The following UCHL1 variants were observed in gnomAD, a reference collection of about 807,000 sequenced individuals.
UCHL1 encodes the protein ubiquitin C-terminal hydrolase L1, also known as ubiquitin carboxyl-terminal hydrolase isozyme L1.
Under a neutral mutation model 33.3 loss-of-function variants are expected in UCHL1, and 5 were observed. The observed-to-expected ratio is 0.15, with a 90% CI of 0.08 to 0.32. UCHL1 has a LOEUF of 0.32. UCHL1 is among the 10% of genes least tolerant of loss of function. UCHL1 has a pLI of 1.00. For synonymous variants in UCHL1, 132 were observed against 108.8 expected (o/e 1.21, Z -1.33); for missense variants, 236 against 280.0 (o/e 0.84, Z 1.12).
At chr4:41,258,758 T>A (rs1781024570) in intron 3 of UCHL1, among the ~76,000 whole-genome samples, 1 of 152,226 alleles carries the variant, frequency 6.6e-6, no homozygotes, top group Non-Finnish European at 1.5e-5. Context: ...GCCTTCCTCC[T>A]AGTAAGTAAG....
At chr4:41,262,178 T>C (rs999570717) in intron 6 of UCHL1, among the ~76,000 whole-genome samples, 2 of 152,216 alleles carry the variant, frequency 1.3e-5, no homozygotes, top group Non-Finnish European at 2.9e-5. Context: ...ATGAGTCTTA[T>C]AGGTCAGGCA....
chr4:41,261,700 C>CT lies in UCHL1; in HGVS notation c.326-15_326-14insT, dbSNP rs1182446437. On this transcript the variant is annotated splice_polypyrimidine_tract_variant and intron_variant, in intron 4 of 8. Coordinates refer to ENST00000284440, the MANE Select transcript of UCHL1 (RefSeq NM_004181.5). ...ATTATTTTACCTATACTAACACATC[C>CT]ATTTTTTTTTTAAGAGGATGGATCA... 7.0e-7 allele frequency: 1 copy of CT among 1,434,410 alleles called. No homozygotes were observed. The highest frequency in any genetic ancestry group is 1.2e-5 in the South Asian group (1 of 86,092). The allele number at this position is 1,434,410 out of a possible 1,614,324, so 88.9% of individuals were successfully genotyped here.
intron 4 of UCHL1, 102 bp downstream of exon 4, chr4:41,260,899 A>AC: frequency 6.6e-7 from 1 of 1,525,066 alleles, no homozygotes; most frequent in Non-Finnish European, 9.1e-7. Flanking sequence ...ACCTTTTGAA[A>AC]CCATTTTGTA....
At position 41,257,060 on chromosome 4, in the gene UCHL1, G is replaced by T. The variant is rs781003024; in HGVS notation, c.33+51G>T. The stretch of plus-strand genomic sequence containing the variant: ...GGAGAGCGCGAGGCCGAGGGAGGGG[G>T]AGCCGAGTCGCTGATCGGTTCGGTT... On this transcript the variant is annotated intron_variant, in intron 1 of 8. Transcript: ENST00000284440. The T allele has an allele frequency of 1.5e-5, 24 of 1,614,048 alleles. No individual in the cohort carries two copies. The East Asian group carries it at 1.8e-4, about 12-fold the overall frequency.
chr4:41,264,958 T>C (rs184072067), intron 8 of UCHL1, among the ~76,000 whole-genome samples: 45 of 152,348 alleles, frequency 3.0e-4, no homozygotes, highest in African/African-American at 1.1e-3. Flanking sequence ...GCAAGCATTT[T>C]CTATAAAGAG....
Position 41,261,883 on chromosome 4 carries a change from A to G in UCHL1, c.419A>G (p.Gln140Arg). ...AKCFEKNEAI[Q>R]AAHDAVAQEG... ...ATTTTCTTTTTTCCGCAGGCCATAC[A>G]GGCAGCCCATGATGCCGTGGCACAG... Residue 140 changes from glutamine to arginine, a missense_variant, in exon 6 of 9, where the codon CAG (glutamine) becomes CGG (arginine). Physicochemically the swap from Gln to Arg is conservative, Grantham distance 43. Coordinates refer to ENST00000284440, the MANE Select transcript of UCHL1 (RefSeq NM_004181.5). The G allele has an allele frequency of 6.2e-7, 1 of 1,614,182 alleles. No homozygotes were observed. The highest frequency in any genetic ancestry group is 8.5e-7 in the Non-Finnish European group (1 of 1,180,028).
At position 41,268,124 on chromosome 4, in the gene UCHL1, A is replaced by AAT; in HGVS notation, c.*57_*58dup. On this transcript the variant is annotated 3_prime_UTR_variant, in exon 9 of 9. Transcript: ENST00000284440. ...TTTCCCCTCTTCCCTTCAACATGAA[A>AAT]ATATATACCCCCCCATGCAGTCTAA... The AAT allele has an allele frequency of 6.6e-7, 1 of 1,520,812 alleles. No homozygotes were observed. Among genetic ancestry groups the AAT allele is most frequent in the South Asian group, 1.2e-5 (1 of 86,546 alleles). The allele number at this position is 1,520,812 out of a possible 1,614,324, so 94.2% of individuals were successfully genotyped here.
At chr4:41,261,530 A>C (rs189725056) in intron 4 of UCHL1, among the ~76,000 whole-genome samples, 185 bp from the exon 5 acceptor site, 1 of 152,310 alleles carries the variant, frequency 6.6e-6, no homozygotes, top group East Asian at 1.9e-4. Flanking sequence ...CTCTGGCCTG[A>C]AAGCAGTGAA....
At chr4:41,266,977 T>A (rs964695998) in intron 8 of UCHL1, among the ~76,000 whole-genome samples, 3 of 152,204 alleles carry the variant, frequency 2.0e-5, no homozygotes, top group African/African-American at 7.2e-5. Context: ...AGAGCATTCC[T>A]TTTCTCCTTC....
chr4:41,263,483 G>A (rs2154087254), intron 7 of UCHL1, among the ~76,000 whole-genome samples, 192 bp downstream of exon 7: 1 of 151,844 alleles, frequency 6.6e-6, no homozygotes, highest in Middle Eastern at 3.4e-3. Flanking sequence ...CAACTGACTA[G>A]CATCCCCTAG....
intron 8 of UCHL1, among the ~76,000 whole-genome samples, chr4:41,266,477 G>A (rs747841830): frequency 3.9e-5 from 6 of 152,072 alleles, no homozygotes; most frequent in Non-Finnish European, 8.8e-5. Flanking sequence ...ATAGAAGATG[G>A]TTATTCTCTT....
chr4:41,261,851 G>T (rs760197398), intron 5 of UCHL1, 25 bp from the exon 6 acceptor site: 3 of 1,614,104 alleles, frequency 1.9e-6, no homozygotes, highest in Non-Finnish European at 2.5e-6. Context: ...AGATTTTTGT[G>T]CTAATTATTT....
At chr4:41,257,472 G>A (rs1214412755) in intron 2 of UCHL1, 137 bp from the exon 3 acceptor site, 25 of 1,196,592 alleles carry the variant, frequency 2.1e-5, no homozygotes, top group Non-Finnish European at 2.7e-5. Context: ...CCGGGTGGGG[G>A]TGGCAGGGCG....
chr4:41,267,183 A>G (rs1781167104), intron 8 of UCHL1, among the ~76,000 whole-genome samples: 1 of 152,070 alleles, frequency 6.6e-6, no homozygotes, highest in African/African-American at 2.4e-5. Flanking sequence ...TCAATCTCTA[A>G]GGTTCCATGC....
At chr4:41,266,822 G>T (rs1193298471) in intron 8 of UCHL1, among the ~76,000 whole-genome samples, 1 of 152,096 alleles carries the variant, frequency 6.6e-6, no homozygotes, top group Non-Finnish European at 1.5e-5. Flanking sequence ...GCCCAGGCTG[G>T]TCTTGAACTC....
chr4:41,260,804 G>A lies in UCHL1; in HGVS notation c.325+7G>A, dbSNP rs369024443. The A allele has an allele frequency of 9.3e-6, 15 of 1,614,040 alleles. No individual in the cohort carries two copies. The highest frequency in any genetic ancestry group is 5.0e-5 in the Admixed American group (3 of 59,998). ...CAAGACAAACTGGGATTTGGTAGGTGTGGGTTTTGAGGCCAGCCATCCTAA... is the reference window on the plus strand; with the variant it reads ...CAAGACAAACTGGGATTTGGTAGGTATGGGTTTTGAGGCCAGCCATCCTAA... On this transcript the variant is annotated splice_region_variant and intron_variant, in intron 4 of 8. Coordinates refer to ENST00000284440, the MANE Select transcript of UCHL1 (RefSeq NM_004181.5).
At chr4:41,260,910 A>G in intron 4 of UCHL1, 113 bp downstream of exon 4, 1 of 1,464,674 alleles carries the variant, frequency 6.8e-7, no homozygotes, top group East Asian at 2.3e-5. Flanking sequence ...CCATTTTGTA[A>G]TGATGGTGTC....
At chr4:41,265,534 G>A (rs1781137550) in intron 8 of UCHL1, among the ~76,000 whole-genome samples, 1 of 152,158 alleles carries the variant, frequency 6.6e-6, no homozygotes, top group South Asian at 2.1e-4. Flanking sequence ...AGCCGAGATT[G>A]CACCACTGTA....
chr4:41,264,563 T>C lies in UCHL1; in HGVS notation c.585+402T>C, dbSNP rs147677400. On this transcript the variant is annotated intron_variant, in intron 8 of 8. Transcript: ENST00000284440. ...GGTCAGTCTTGGAGGTAGTGTACTA[T>C]AGATTCTAGTTAGGTGGTTAAATTT... 2.8e-3 allele frequency: 677 copies of C among 244,906 alleles called. 5 individuals carry two copies. The highest frequency in any genetic ancestry group is 0.015 in the African/African-American group (656 of 44,644). The allele number at this position is 244,906 out of a possible 1,614,324, so 15.2% of individuals were successfully genotyped here.
Sources: allele counts gnomAD v4.1 joint callset (sites outside exome capture counted in the v4.1 genomes callset), GRCh38; gene constraint gnomAD v4.1.1; transcripts MANE v1.5; gene names NCBI Gene and HGNC (gene_info 2026-07-23, HGNC 2026-07-21).